The following ZNF385D variants were observed in gnomAD, a reference collection of about 807,000 sequenced individuals.
ZNF385D encodes the protein zinc finger protein 385D, also known as zinc finger protein 659.
In ZNF385D, 15 loss-of-function variants were observed where a neutral mutation model predicts 35.8. That is an observed-to-expected ratio of 0.42 (90% confidence interval 0.28 to 0.64). The LOEUF (loss-of-function observed/expected upper bound fraction) is 0.64, where lower values mean the gene tolerates loss of function less well. Among genes scored for constraint, ZNF385D ranks in the 30% least tolerant of loss-of-function variants. The pLI, the probability that ZNF385D is intolerant of heterozygous loss-of-function variation, is 0.23. For missense variants in ZNF385D, 474 were observed against 494.6 expected (o/e 0.96, Z 0.39); for synonymous variants, 212 against 186.8 (o/e 1.13, Z -1.10).
intron 3 of ZNF385D, among the ~76,000 whole-genome samples, chr3:22,117,478 G>T (rs1702871719): frequency 6.6e-6 from 1 of 151,936 alleles, no homozygotes; most frequent in Non-Finnish European, 1.5e-5. Context: ...GGAAAAGACA[G>T]GGAATAGGCA....
At chr3:21,725,063 A>G (rs1350050931) in intron 1 of ZNF385D, among the ~76,000 whole-genome samples, 1 of 152,222 alleles carries the variant, frequency 6.6e-6, no homozygotes, top group Non-Finnish European at 1.5e-5. Flanking sequence ...AAAACTGAAC[A>G]ATGTGCTCCT....
At chr3:22,189,227 A>C (rs576046574) in intron 2 of ZNF385D, among the ~76,000 whole-genome samples, 1 of 152,282 alleles carries the variant, frequency 6.6e-6, no homozygotes, top group East Asian at 1.9e-4. Flanking sequence ...GAGAGGATCC[A>C]TTAGGTATGA....
chr3:22,174,233 G>A (rs1002567413), intron 2 of ZNF385D, among the ~76,000 whole-genome samples: 1 of 152,142 alleles, frequency 6.6e-6, no homozygotes, highest in African/African-American at 2.4e-5. Context: ...TGCAAATAGT[G>A]TGTTTTATCT....
At chr3:21,936,794 G>A (rs927563887) in intron 3 of ZNF385D, among the ~76,000 whole-genome samples, 15 of 152,156 alleles carry the variant, frequency 9.9e-5, no homozygotes, top group African/African-American at 3.4e-4. Flanking sequence ...ATACCTGGAG[G>A]ATTTTATTTA....
At chr3:22,205,719 C>T (rs1484884795) in intron 2 of ZNF385D, among the ~76,000 whole-genome samples, 2 of 151,840 alleles carry the variant, frequency 1.3e-5, no homozygotes, top group Non-Finnish European at 1.5e-5. Context: ...TATTTGCAAG[C>T]CCCATGGTAA....
chr3:22,166,651 C>G (rs1706349639), intron 3 of ZNF385D, among the ~76,000 whole-genome samples: 1 of 152,186 alleles, frequency 6.6e-6, no homozygotes, highest in African/African-American at 2.4e-5. Flanking sequence ...TCTAACTGTA[C>G]TGATATGATT....
chr3:21,751,268 G>A (rs1395397919), upstream of ZNF385D: 1 of 789,956 alleles, frequency 1.3e-6, no homozygotes, highest in African/African-American at 1.9e-5. Flanking sequence ...GTTAGCAGCC[G>A]CTCCACGAGG....
intron 1 of ZNF385D, among the ~76,000 whole-genome samples, chr3:21,683,593 G>T (rs1175871525): frequency 6.7e-6 from 1 of 149,514 alleles, no homozygotes; most frequent in African/African-American, 2.5e-5. Flanking sequence ...CTCCAGCCTG[G>T]GTGAGAGAGT....
intron 1 of ZNF385D, among the ~76,000 whole-genome samples, chr3:21,742,408 A>T (rs2069559550): frequency 6.6e-6 from 1 of 152,192 alleles, no homozygotes; most frequent in African/African-American, 2.4e-5. Context: ...TCCCATTTAA[A>T]TTGCTACTTA....
At chr3:22,197,062 A>G (rs144404423) in intron 2 of ZNF385D, among the ~76,000 whole-genome samples, 1 of 152,072 alleles carries the variant, frequency 6.6e-6, no homozygotes, top group Non-Finnish European at 1.5e-5. Flanking sequence ...TTTCTGTTGA[A>G]AAGTCAGCTT....
chr3:21,666,301 T>A (rs1328845265), intron 1 of ZNF385D, among the ~76,000 whole-genome samples: 1 of 152,162 alleles, frequency 6.6e-6, no homozygotes, highest in Non-Finnish European at 1.5e-5. Context: ...ACTTAGTACC[T>A]ATAACAGAAG....
intron 3 of ZNF385D, among the ~76,000 whole-genome samples, chr3:22,093,584 T>C (rs1370615024): frequency 2.0e-5 from 3 of 152,096 alleles, no homozygotes; most frequent in Non-Finnish European, 2.9e-5. Context: ...ACACATTTTA[T>C]CCTCATTCAT....
At chr3:21,670,420 T>C (rs954965974) in intron 1 of ZNF385D, among the ~76,000 whole-genome samples, 12 of 151,864 alleles carry the variant, frequency 7.9e-5, no homozygotes, top group Admixed American at 7.9e-4. Context: ...AGATCCTAAG[T>C]AGTTATTTAA....
intron 2 of ZNF385D, among the ~76,000 whole-genome samples, chr3:22,249,115 A>G (rs889455247): frequency 2.6e-5 from 4 of 152,150 alleles, no homozygotes; most frequent in Non-Finnish European, 4.4e-5. Flanking sequence ...CACAGCTGAG[A>G]GTCCAGACTC....
At chr3:21,794,244 G>A (rs773175490) in intron 3 of ZNF385D, among the ~76,000 whole-genome samples, 1 of 151,984 alleles carries the variant, frequency 6.6e-6, no homozygotes, top group South Asian at 2.1e-4. Flanking sequence ...AATTAAAAGA[G>A]AAGAAAAGAG....
chr3:21,806,312 C>A (rs2072644482), intron 3 of ZNF385D, among the ~76,000 whole-genome samples: 1 of 151,282 alleles, frequency 6.6e-6, no homozygotes, highest in South Asian at 2.1e-4. Flanking sequence ...TCACGCCATT[C>A]TACTGCCTCA....
chr3:22,181,616 T>C (rs1457839891), intron 2 of ZNF385D, among the ~76,000 whole-genome samples: 1 of 147,594 alleles, frequency 6.8e-6, no homozygotes, highest in Non-Finnish European at 1.5e-5. Context: ...GAGAATGGTG[T>C]GAACTCAGGA....
intron 2 of ZNF385D, among the ~76,000 whole-genome samples, chr3:22,201,024 G>A (rs182566080): frequency 3.0e-3 from 462 of 152,132 alleles, no homozygotes; most frequent in African/African-American, 0.011. Context: ...AGGGTCCTGA[G>A]GTGACATACA....
chr3:22,259,786 T>C (rs1029175456), intron 2 of ZNF385D, among the ~76,000 whole-genome samples: 1 of 151,830 alleles, frequency 6.6e-6, no homozygotes, highest in African/African-American at 2.4e-5. Flanking sequence ...CCAGAAATTT[T>C]ACCAGCCAGT....
Sources: allele counts gnomAD v4.1 joint callset (sites outside exome capture counted in the v4.1 genomes callset), GRCh38; gene constraint gnomAD v4.1.1; transcripts MANE v1.5; gene names NCBI Gene and HGNC (gene_info 2026-07-23, HGNC 2026-07-21).